RAET1E: variants seen among roughly 807,000 people sequenced by gnomAD.
RAET1E encodes the protein NKG2D ligand 4.
In RAET1E, 27 loss-of-function variants were observed where a neutral mutation model predicts 21.1. The ratio of observed to expected loss-of-function variants is 1.28; its 90% CI spans 0.94 to 1.76. RAET1E has a LOEUF of 1.76. RAET1E is among the 40% of genes most tolerant of loss of function. The probability of loss-of-function intolerance (pLI) is 0.00; values close to 1 mark genes in which losing one functional copy is unlikely to be tolerated. For missense variants in RAET1E, 310 were observed against 311.3 expected (o/e 1.00, Z 0.03); for synonymous variants, 113 against 115.0 (o/e 0.98, Z 0.11).
At chr6:149,892,735 T>C (rs1471293720) in intron 2 of RAET1E, among the ~76,000 whole-genome samples, 1 of 152,252 alleles carries the variant, frequency 6.6e-6, no homozygotes, top group Non-Finnish European at 1.5e-5. Flanking sequence ...CAATTTTGGC[T>C]TTTGTTGCCA....
chr6:149,896,687 T>C (rs1344241285), intron 1 of RAET1E, among the ~76,000 whole-genome samples: 3 of 152,050 alleles, frequency 2.0e-5, no homozygotes, highest in Admixed American at 1.3e-4. Context: ...TGTGTGTGTG[T>C]GCGTGCATAT....
Position 149,886,670 on chromosome 6 carries a change from C to T in RAET1E, c.*1828G>A, listed in dbSNP as rs1458906319. On this transcript the variant is annotated 3_prime_UTR_variant, in exon 6 of 6. Transcript: ENST00000357183. ...TTGGCCTCCCAAAGTGCTGGGATTACAGGAGTGAGCTATCACGCCCAGATG... is the reference window on the plus strand; with the variant it reads ...TTGGCCTCCCAAAGTGCTGGGATTATAGGAGTGAGCTATCACGCCCAGATG... Among the ~76,000 whole-genome samples the T allele has an allele frequency of 6.6e-6, 1 of 152,260 alleles. No homozygotes were observed. Among genetic ancestry groups the T allele is most frequent in the Non-Finnish European group, 1.5e-5 (1 of 68,046 alleles).
rs560683000 is a variant in RAET1E, at chr6:149,883,367, T to C, written c.*5131A>G. 1 of 152,170 alleles carries C rather than the reference T, an allele frequency of 6.6e-6. No homozygotes were observed. Among genetic ancestry groups the C allele is most frequent in the Non-Finnish European group, 1.5e-5 (1 of 67,976 alleles). 9.4% of individuals were successfully genotyped at this position (152,170 alleles called of 1,614,324 possible). On this transcript the variant is annotated 3_prime_UTR_variant, in exon 6 of 6. Coordinates refer to ENST00000357183, the MANE Select transcript of RAET1E (RefSeq NM_001394057.1). ...AAAAAAGTACACACACAATTTTTTT[T>C]TTTTTTTTGCATTCAGTGTTAAAGT...
chr6:149,891,445 G>A (rs566232737), intron 2 of RAET1E, among the ~76,000 whole-genome samples: 1 of 151,910 alleles, frequency 6.6e-6, no homozygotes, highest in Admixed American at 6.5e-5. Flanking sequence ...TAAACTAGCT[G>A]CAAACAGGCA....
chr6:149,897,180 G>A (rs1278617712), intron 1 of RAET1E, among the ~76,000 whole-genome samples: 2 of 152,120 alleles, frequency 1.3e-5, no homozygotes, highest in Non-Finnish European at 2.9e-5. Flanking sequence ...CTACAGGCAT[G>A]AGCCACCACA....
rs1386725527 is a variant in RAET1E at position 149,889,564 on chromosome 6, C to T, written c.406G>A (p.Ala136Thr). The change falls in exon 5 of 6, where the codon GCA (alanine) becomes ACA (threonine). Residue 136 changes from alanine (A) to threonine (T), a missense_variant. By Grantham distance (58) the Ala-to-Thr change is moderately conservative. Transcript: ENST00000357183. Reference protein sequence around the residue: ...CQREAERCTGASWQFATNGEK... With the variant: ...CQREAERCTGTSWQFATNGEK... Reference sequence around the variant, plus strand: ...CCATTGGTGGCGAACTGCCAGGATGCACCAGTGCACCGTTCTGCTTCACGT... The same window carrying T: ...CCATTGGTGGCGAACTGCCAGGATGTACCAGTGCACCGTTCTGCTTCACGT... 3.1e-6 allele frequency: 5 copies of T among 1,614,058 alleles called. No individual in the cohort carries two copies. In the African/African-American group the frequency reaches 4.0e-5, roughly 13 times the overall value.
In RAET1E at chr6:149,886,107, G is replaced by C. The variant is rs1219496357; in HGVS notation, c.*2391C>G. On this transcript the variant is annotated 3_prime_UTR_variant, in exon 6 of 6. Transcript: ENST00000357183. ...AAAAATTTGGCAGCAATGATGCACG[G>C]TGATTCAGAGATCAAAAAGTTCAGT... Among the ~76,000 whole-genome samples the C allele has an allele frequency of 6.6e-6, 1 of 152,188 alleles. No individual in the cohort carries two copies. The highest frequency in any genetic ancestry group is 2.4e-5 in the African/African-American group (1 of 41,444).
intron 1 of RAET1E, among the ~76,000 whole-genome samples, chr6:149,897,544 G>A (rs1038258415): frequency 3.3e-5 from 5 of 152,110 alleles, no homozygotes; most frequent in Admixed American, 6.6e-5. Context: ...GCTTCTAACC[G>A]TCCTCTCCCT....
At position 149,883,720 on chromosome 6, in the gene RAET1E, G is replaced by C. The variant is rs150276281; in HGVS notation, c.*4778C>G. 953 of 154,922 alleles carry C rather than the reference G, an allele frequency of 6.2e-3. 9 individuals are homozygous for C. The highest frequency in any genetic ancestry group is 0.023 in the African/African-American group (913 of 40,552). 9.6% of individuals were successfully genotyped at this position (154,922 alleles called of 1,614,324 possible). The stretch of plus-strand genomic sequence containing the variant: ...TCAAAAAAACAAACAAACAAACAAA[G>C]AATTACTTGCACTGTGCTCACATAA... On this transcript the variant is annotated 3_prime_UTR_variant, in exon 6 of 6. Transcript: ENST00000357183.
At chr6:149,888,817 G>T in intron 5 of RAET1E, 150 bp from the exon 6 acceptor site, 1 of 1,243,846 alleles carries the variant, frequency 8.0e-7, no homozygotes, top group Non-Finnish European at 1.1e-6. Flanking sequence ...ACTCTACCAG[G>T]CCCTGGGCCA....
Position 149,888,167 on chromosome 6 carries a change from G to C in RAET1E, c.*331C>G, listed in dbSNP as rs764967104. The C allele has an allele frequency of 2.3e-5, 13 of 573,096 alleles. No homozygotes were observed. Among genetic ancestry groups the C allele is most frequent in the Non-Finnish European group, 4.0e-5 (12 of 298,272 alleles). The allele number at this position is 573,096 out of a possible 1,614,324, so 35.5% of individuals were successfully genotyped here. A position where few individuals can be genotyped will look rare whatever the true frequency, so the allele number is the denominator to read the frequency against. Reference sequence around the variant, plus strand: ...AAGCGCCACCAGCAAGTCTTCTCAGGGTGAACGGGAAAAGGGGATGGGACC... The same window carrying C: ...AAGCGCCACCAGCAAGTCTTCTCAGCGTGAACGGGAAAAGGGGATGGGACC... On this transcript the variant is annotated 3_prime_UTR_variant, in exon 6 of 6. Coordinates refer to ENST00000357183, the MANE Select transcript of RAET1E (RefSeq NM_001394057.1).
Position 149,885,385 on chromosome 6 carries a change from C to T in RAET1E, c.*3113G>A, listed in dbSNP as rs985418064. Among the ~76,000 whole-genome samples, 1 of 152,190 alleles carries T rather than the reference C, an allele frequency of 6.6e-6. No individual in the cohort carries two copies. The highest frequency in any genetic ancestry group is 1.5e-5 in the Non-Finnish European group (1 of 68,038). On this transcript the variant is annotated 3_prime_UTR_variant, in exon 6 of 6. Coordinates refer to ENST00000357183, the MANE Select transcript of RAET1E (RefSeq NM_001394057.1). The stretch of plus-strand genomic sequence containing the variant: ...TTGGCCAGGGACAGAGAGGGCTCAA[C>T]TTGACCCAGAGCTAAGCCTCTCAGG...
intron 2 of RAET1E, among the ~76,000 whole-genome samples, chr6:149,892,871 T>C (rs1777965682): frequency 1.3e-5 from 2 of 152,202 alleles, no homozygotes; most frequent in Admixed American, 6.5e-5. Context: ...CCATCTTGAG[T>C]TGATTTTTGT....
At chr6:149,895,674 A>AT (rs1449973601) in intron 2 of RAET1E, 172 bp downstream of exon 2, 1 of 152,176 alleles carries the variant, frequency 6.6e-6, no homozygotes, top group Admixed American at 6.5e-5. Flanking sequence ...ATTTTGTGTC[A>AT]TTTTCAAATA....
In RAET1E at chr6:149,884,327, G is replaced by A. The variant is rs990932595; in HGVS notation, c.*4171C>T. 7.0e-5 allele frequency: 44 copies of A among 628,356 alleles called. No individual in the cohort carries two copies. Among genetic ancestry groups the A allele is most frequent in the Non-Finnish European group, 1.1e-4 (40 of 372,000 alleles). 38.9% of individuals were successfully genotyped at this position (628,356 alleles called of 1,614,324 possible). On this transcript the variant is annotated 3_prime_UTR_variant, in exon 6 of 6. Transcript: ENST00000357183. ...AAAAAAAATTTTTTTTTTTTGAGAC[G>A]GAGTCTTGCTCTGTTGCCAAGACTG...
rs764630969 is a variant in RAET1E at position 149,888,684 on chromosome 6, A to G, written c.623-17T>C. 2.9e-5 allele frequency: 45 copies of G among 1,554,822 alleles called. No homozygotes were observed. Among genetic ancestry groups the G allele is most frequent in the Middle Eastern group, 3.7e-4 (2 of 5,352 alleles). On this transcript the variant is annotated splice_polypyrimidine_tract_variant and intron_variant, in intron 5 of 5. Coordinates refer to ENST00000357183, the MANE Select transcript of RAET1E (RefSeq NM_001394057.1). ...CTGGTGACACTAAAAAAAAAAAAAA[A>G]AAGAAAAAAAAGCACAAGCCCTGTC... is the stretch of plus-strand genomic sequence containing the variant.
At position 149,884,026 on chromosome 6, in the gene RAET1E, C is replaced by T. The variant is rs2115475100; in HGVS notation, c.*4472G>A. 6.2e-6 allele frequency: 1 copy of T among 161,538 alleles called. No individual in the cohort carries two copies. Among genetic ancestry groups the T allele is most frequent in the African/African-American group, 2.4e-5 (1 of 41,792 alleles). The allele number at this position is 161,538 out of a possible 1,614,324, so 10.0% of individuals were successfully genotyped here. On this transcript the variant is annotated 3_prime_UTR_variant, in exon 6 of 6. Transcript: ENST00000357183. ...CATGCCCTCCCCTCTGTTTAATTCC[C>T]CCAATTTCCTCTTATTTTCCATTTT...
At chr6:149,891,375 CAA>C in intron 2 of RAET1E, among the ~76,000 whole-genome samples, 1 of 152,132 alleles carries the variant, frequency 6.6e-6, no homozygotes. Context: ...CTAACCCGTT[CAA>C]ACTCTTTCCT....
At chr6:149,896,817 A>G (rs773692383) in intron 1 of RAET1E, among the ~76,000 whole-genome samples, 89 of 152,136 alleles carry the variant, frequency 5.9e-4, no homozygotes, top group Admixed American at 1.3e-3. Context: ...ATGCCAACCT[A>G]ACACTGAAGA....
Sources: gnomAD v4.1 joint callset for allele counts (sites outside exome capture counted in the v4.1 genomes callset) on GRCh38, gnomAD v4.1.1 for gene constraint, MANE v1.5 for transcripts, NCBI Gene and HGNC (gene_info 2026-07-23, HGNC 2026-07-21) for gene names.